Variants in FGF12 observed in about 807,000 individuals in gnomAD.
FGF12 encodes fibroblast growth factor 12.
A neutral mutation model predicts 23.6 loss-of-function variants in FGF12; 14 were observed. The ratio of observed to expected loss-of-function variants is 0.59; its 90% CI spans 0.39 to 0.93. The LOEUF (loss-of-function observed/expected upper bound fraction) is 0.93, where lower values mean the gene tolerates loss of function less well. Among genes scored for constraint, FGF12 ranks in the 40% least tolerant of loss-of-function variants. The probability of loss-of-function intolerance (pLI) is 0.00; values close to 1 mark genes in which losing one functional copy is unlikely to be tolerated. For missense variants in FGF12, 175 were observed against 217.8 expected (o/e 0.80, Z 1.24); for synonymous variants, 62 against 77.3 (o/e 0.80, Z 1.04).
At chr3:192,349,387 C>T (rs1718105678) in intron 3 of FGF12, among the ~76,000 whole-genome samples, 1 of 151,988 alleles carries the variant, frequency 6.6e-6, no homozygotes, top group Non-Finnish European at 1.5e-5. Context: ...AATTTTAATA[C>T]CCTTTTCCAC....
chr3:192,641,919 C>A (rs1715821946), intron 2 of FGF12, among the ~76,000 whole-genome samples: 1 of 152,190 alleles, frequency 6.6e-6, no homozygotes. Context: ...ATATTTCTAT[C>A]TGATTCTTCA....
At chr3:192,503,896 G>C (rs1437917305) in intron 2 of FGF12, among the ~76,000 whole-genome samples, 2 of 152,188 alleles carry the variant, frequency 1.3e-5, no homozygotes, top group South Asian at 2.1e-4. Context: ...GCATGTATAT[G>C]TTCATTGCAG....
chr3:192,329,229 A>T (rs1316709553), intron 4 of FGF12, among the ~76,000 whole-genome samples: 1 of 152,204 alleles, frequency 6.6e-6, no homozygotes, highest in Non-Finnish European at 1.5e-5. Context: ...GTAGCATCTA[A>T]TTCTCATAGA....
At position 192,545,167 on chromosome 3, in the gene FGF12, G is replaced by A. The variant is rs568059109; in HGVS notation, c.13+182014C>T. On this transcript the variant is annotated intron_variant, in intron 2 of 5. Coordinates refer to ENST00000445105, the MANE Select transcript of FGF12 (RefSeq NM_004113.6). The stretch of plus-strand genomic sequence containing the variant: ...TTTCTGTGCCAACTACAACTGCCTG[G>A]GGAATCAAATACTACAGGATATTCC... Among the ~76,000 whole-genome samples, 8 of 152,186 alleles carry A rather than the reference G, an allele frequency of 5.3e-5. No individual in the cohort carries two copies. In the South Asian group the frequency reaches 1.5e-3, roughly 28 times the overall value.
intron 2 of FGF12, among the ~76,000 whole-genome samples, chr3:192,589,256 A>G (rs1461663697): frequency 2.0e-5 from 3 of 150,288 alleles, no homozygotes; most frequent in Non-Finnish European, 3.0e-5. Flanking sequence ...AATCACTTGA[A>G]CCCAGGAGGC....
chr3:192,418,711 G>C (rs1308930877), intron 2 of FGF12, among the ~76,000 whole-genome samples: 2 of 152,064 alleles, frequency 1.3e-5, no homozygotes, highest in Non-Finnish European at 2.9e-5. Context: ...AAAAGTATAT[G>C]GCACATCCCC....
At chr3:192,487,643 T>C (rs1723675367) in intron 2 of FGF12, among the ~76,000 whole-genome samples, 1 of 152,110 alleles carries the variant, frequency 6.6e-6, no homozygotes, top group Non-Finnish European at 1.5e-5. Flanking sequence ...AAATCGATGC[T>C]GCCTAACGTG....
At chr3:192,468,547 G>C (rs574617372) in intron 2 of FGF12, among the ~76,000 whole-genome samples, 6 of 152,116 alleles carry the variant, frequency 3.9e-5, no homozygotes, top group African/African-American at 1.2e-4. Flanking sequence ...TGGAGGCTAC[G>C]CATTTTTTTG....
Position 192,382,224 on chromosome 3 carries a change from G to A in FGF12, c.14-21686C>T, listed in dbSNP as rs1249837735. ...TGTTAGCCAGGATGGTCTCGATCTC[G>A]ACCACGTGATCCACTCACCTCAGAC... On this transcript the variant is annotated intron_variant, in intron 2 of 5. Coordinates refer to ENST00000445105, the MANE Select transcript of FGF12 (RefSeq NM_004113.6). Among the ~76,000 whole-genome samples, 5 of 151,998 alleles carry A rather than the reference G, an allele frequency of 3.3e-5. 1 individual carries two copies.
chr3:192,374,101 T>C (rs1182093817), intron 2 of FGF12, among the ~76,000 whole-genome samples: 3 of 152,226 alleles, frequency 2.0e-5, no homozygotes, highest in Admixed American at 2.0e-4. Flanking sequence ...GGGAGAACAA[T>C]TAACATTAAA....
intron 2 of FGF12, among the ~76,000 whole-genome samples, chr3:192,451,864 T>C (rs534371643): frequency 2.0e-5 from 3 of 152,340 alleles, no homozygotes; most frequent in East Asian, 1.9e-4. Context: ...AGGCTAAACA[T>C]TGCTGCTATA....
At chr3:192,625,333 A>G (rs1229191669) in intron 2 of FGF12, among the ~76,000 whole-genome samples, 1 of 152,148 alleles carries the variant, frequency 6.6e-6, no homozygotes, top group Non-Finnish European at 1.5e-5. Context: ...AGAGTGTGTT[A>G]TAAAATTTTC....
In FGF12 at chr3:192,305,685, T is replaced by TA. The variant is rs1210793947; in HGVS notation, c.228+29675dup. On this transcript the variant is annotated intron_variant, in intron 4 of 5. Transcript: ENST00000445105. ...GCTTAGGAAAAAAAAAAAAAATATA[T>TA]ATATATATATAAATATATATAAATC... Among the ~76,000 whole-genome samples, 8 of 142,710 alleles carry TA rather than the reference T, an allele frequency of 5.6e-5. No homozygotes were observed. The Admixed American group carries it at 5.7e-4, about 10-fold the overall frequency. 93.6% of individuals were successfully genotyped at this position (142,710 alleles called of 152,430 possible).
chr3:192,645,138 G>T (rs981243885), intron 2 of FGF12, among the ~76,000 whole-genome samples: 1 of 152,086 alleles, frequency 6.6e-6, no homozygotes, highest in Non-Finnish European at 1.5e-5. Context: ...GCCAAGTAAT[G>T]AAGTTGGGAT....
intron 2 of FGF12, among the ~76,000 whole-genome samples, chr3:192,512,859 T>A (rs73889358): frequency 0.016 from 913 of 57,256 alleles, 99 homozygotes; most frequent in Middle Eastern, 0.036. Flanking sequence ...TATATATATA[T>A]AACAGGCTAT....
At chr3:192,671,511 G>T (rs1910883) in intron 2 of FGF12, among the ~76,000 whole-genome samples, 65,165 of 151,492 alleles carry the variant, frequency 0.43, 14,247 homozygotes, top group East Asian at 0.66. Flanking sequence ...ACGTTTGGTA[G>T]ACGCATGGGA....
At chr3:192,696,948 A>G (rs1283163838) in intron 2 of FGF12, among the ~76,000 whole-genome samples, 2 of 152,102 alleles carry the variant, frequency 1.3e-5, no homozygotes, top group African/African-American at 2.4e-5. Context: ...ATTAGCAATA[A>G]TAAAAACAGG....
intron 5 of FGF12, among the ~76,000 whole-genome samples, chr3:192,154,681 C>G (rs1430408450): frequency 7.0e-6 from 1 of 142,232 alleles, no homozygotes; most frequent in African/African-American, 2.6e-5. Context: ...TCTCAGATCT[C>G]CAGCTGCGTG....
intron 4 of FGF12, among the ~76,000 whole-genome samples, chr3:192,215,441 T>C (rs946820699): frequency 1.3e-5 from 2 of 152,214 alleles, no homozygotes; most frequent in African/African-American, 2.4e-5. Context: ...CAATTATTCA[T>C]TGGAGCAATG....
Sources: gnomAD v4.1 joint callset for allele counts (sites outside exome capture counted in the v4.1 genomes callset) on GRCh38, gnomAD v4.1.1 for gene constraint, MANE v1.5 for transcripts, NCBI Gene and HGNC (gene_info 2026-07-23, HGNC 2026-07-21) for gene names.